Variants in CLN8 observed in about 807,000 individuals in gnomAD.
The protein encoded by CLN8 is protein CLN8.
Under a neutral mutation model 15.7 loss-of-function variants are expected in CLN8, and 14 were observed. The observed-to-expected ratio is 0.89, with a 90% CI of 0.59 to 1.39. The LOEUF (loss-of-function observed/expected upper bound fraction) is 1.39, where lower values mean the gene tolerates loss of function less well. Among genes scored for constraint, CLN8 ranks in the 40% most tolerant of loss-of-function variants. CLN8 has a pLI of 0.00. For missense variants in CLN8, 415 were observed against 364.0 expected, an observed-to-expected ratio of 1.14 and a Z score of -1.14; for synonymous variants, 188 against 151.0, an observed-to-expected ratio of 1.25 and a Z score of -1.80.
chr8:1,771,330 T>G lies in CLN8; in HGVS notation c.276T>G (p.His92Gln), dbSNP rs777819575. The change falls in exon 2 of 3, where the codon CAT becomes CAG. Residue 92 changes from histidine to glutamine, a missense_variant. His to Gln is a conservative substitution (Grantham distance 24). Coordinates refer to ENST00000331222, the MANE Select transcript of CLN8 (RefSeq NM_018941.4). ...CTCTGCTGGGGGACCCTGTGCTGCA[T>G]GCCGACAAGGCGCGTGGCCAGCAGA... is the stretch of plus-strand genomic sequence containing the variant. ...LWALLGDPVL[H>Q]ADKARGQQNW... 3 of 1,614,200 alleles carry G rather than the reference T, an allele frequency of 1.9e-6. No individual in the cohort carries two copies. The highest frequency in any genetic ancestry group is 2.5e-6 in the Non-Finnish European group (3 of 1,180,024).
rs553233764 is a variant in CLN8 at position 1,784,935 on chromosome 8, T to A, written c.*4368T>A. 6.6e-6 allele frequency: 1 copy of A among 152,572 alleles called. No individual in the cohort carries two copies. The highest frequency in any genetic ancestry group is 2.4e-5 in the African/African-American group (1 of 41,562). The allele number at this position is 152,572 out of a possible 1,614,324, so 9.5% of individuals were successfully genotyped here. A position where few individuals can be genotyped will look rare whatever the true frequency, so the allele number is the denominator to read the frequency against. The stretch of plus-strand genomic sequence containing the variant: ...GGCCAGAAGGGGAAACGCTCGGGCC[T>A]CTGGTGGGGGCCAGCCTGGGGTGGG... On this transcript the variant is annotated 3_prime_UTR_variant, in exon 3 of 3. Transcript: ENST00000331222.
rs890569373 is a variant in CLN8, at chr8:1,781,506, C to A, written c.*939C>A. On this transcript the variant is annotated 3_prime_UTR_variant, in exon 3 of 3. Transcript: ENST00000331222. Reference sequence around the variant, plus strand: ...GGAGTTTAACCCCCACCAACCAGAGCGTGGGCTGGTAAAGATGAAATCTTG... The same window carrying A: ...GGAGTTTAACCCCCACCAACCAGAGAGTGGGCTGGTAAAGATGAAATCTTG... The A allele has an allele frequency of 1.3e-5, 2 of 150,642 alleles. No homozygotes were observed. Among genetic ancestry groups the A allele is most frequent in the African/African-American group, 4.9e-5 (2 of 40,970 alleles). The allele number at this position is 150,642 out of a possible 1,614,324, so 9.3% of individuals were successfully genotyped here. A position where few individuals can be genotyped will look rare whatever the true frequency, so the allele number is the denominator to read the frequency against.
intron 2 of CLN8, among the ~76,000 whole-genome samples, chr8:1,774,231 A>G (rs1301118680): frequency 6.6e-6 from 1 of 152,200 alleles, no homozygotes; most frequent in East Asian, 1.9e-4. Context: ...CACATTCTCT[A>G]AAGCTTTTAG....
Position 1,771,220 on chromosome 8 carries a change from T to C in CLN8, c.166T>C (p.Leu56=). 1 of 1,613,988 alleles carries C rather than the reference T, an allele frequency of 6.2e-7. No homozygotes were observed. The highest frequency in any genetic ancestry group is 1.3e-5 in the African/African-American group (1 of 75,028). The change falls in exon 2 of 3, where the codon TTG becomes CTG. Residue 56 remains leucine, a synonymous_variant. Transcript: ENST00000331222. ...TTCCCTGAATGCCACTTACCGTTCT[T>C]TGGTGGCCAGAGAGAAGGTCTTCTG... ...SSSLNATYRS[L]VAREKVFWDL...
upstream of CLN8, among the ~76,000 whole-genome samples, chr8:1,753,317 TC>T (rs58726204): frequency 0.72 from 108,979 of 151,638 alleles, 39,595 homozygotes; most frequent in South Asian, 0.78. Flanking sequence ...ATGCCTGTAA[TC>T]CCAGCACTTT....
chr8:1,766,955 C>T (rs1024095808), intron 1 of CLN8, among the ~76,000 whole-genome samples: 5 of 152,332 alleles, frequency 3.3e-5, no homozygotes, highest in African/African-American at 1.2e-4. Flanking sequence ...TGTGGGTGCC[C>T]ACCTTGTGAC....
At chr8:1,778,082 A>T (rs1426972764) in intron 2 of CLN8, among the ~76,000 whole-genome samples, 1 of 152,124 alleles carries the variant, frequency 6.6e-6, no homozygotes, top group African/African-American at 2.4e-5. Flanking sequence ...GAGGTGTGAG[A>T]TCGAAAACTT....
rs886838607 is a variant in CLN8 at position 1,780,699 on chromosome 8, C to A, written c.*132C>A. ...TACTTCTAAGGGAAATACTAACTTT[C>A]TTTCGCATTAGTATTAATTTTGAAG... is the stretch of plus-strand genomic sequence containing the variant. On this transcript the variant is annotated 3_prime_UTR_variant, in exon 3 of 3. Transcript: ENST00000331222. 9.0e-6 allele frequency: 7 copies of A among 780,428 alleles called. No individual in the cohort carries two copies. The African/African-American group carries it at 1.2e-4, about 14-fold the overall frequency. The allele number at this position is 780,428 out of a possible 1,614,324, so 48.3% of individuals were successfully genotyped here. A position where few individuals can be genotyped will look rare whatever the true frequency, so the allele number is the denominator to read the frequency against.
rs1187429216 is a variant in CLN8, at chr8:1,783,791, C to T, written c.*3224C>T. ...TGAATGAAATGGGCACTGTTGATTC[C>T]ACTTCTGTCGAGGAGCTTCGGGGCT... On this transcript the variant is annotated 3_prime_UTR_variant, in exon 3 of 3. Coordinates refer to ENST00000331222, the MANE Select transcript of CLN8 (RefSeq NM_018941.4). 1 of 152,182 alleles carries T rather than the reference C, an allele frequency of 6.6e-6. No homozygotes were observed. Among genetic ancestry groups the T allele is most frequent in the Non-Finnish European group, 1.5e-5 (1 of 68,052 alleles). 9.4% of individuals were successfully genotyped at this position (152,182 alleles called of 1,614,324 possible). A position where few individuals can be genotyped will look rare whatever the true frequency, so the allele number is the denominator to read the frequency against.
upstream of CLN8, chr8:1,763,402 CCG>C (rs1800865488): frequency 1.9e-5 from 1 of 51,808 alleles, no homozygotes; most frequent in Non-Finnish European, 4.0e-5. Context: ...GCGCCGCGCC[CCG>C]CCCCCCGCCG....
intron 2 of CLN8, 88 bp downstream of exon 2, chr8:1,771,685 A>AG (rs1378979494): frequency 8.1e-7 from 1 of 1,231,318 alleles, no homozygotes; most frequent in Admixed American, 2.0e-5. Context: ...TAAACTCAAC[A>AG]GCAGGCTGGA....
In CLN8 at chr8:1,768,413, G is replaced by C. The variant is rs1446687092; in HGVS notation, c.-123-2519G>C. ...TCACCACTTCCACTGAGGTGGATTTGAGTCATTGATCTGGGCAGAGCCTTC... is the reference window on the plus strand; with the variant it reads ...TCACCACTTCCACTGAGGTGGATTTCAGTCATTGATCTGGGCAGAGCCTTC... On this transcript the variant is annotated intron_variant, in intron 1 of 2. Coordinates refer to ENST00000331222, the MANE Select transcript of CLN8 (RefSeq NM_018941.4). 1.3e-5 allele frequency among the ~76,000 whole-genome samples: 2 copies of C among 152,188 alleles called. 1 individual carries two copies.
At chr8:1,768,560 C>T (rs777590013) in intron 1 of CLN8, among the ~76,000 whole-genome samples, 3 of 152,156 alleles carry the variant, frequency 2.0e-5, no homozygotes, top group South Asian at 2.1e-4. Context: ...ATGACCTACT[C>T]GTGGAAAAGT....
rs530214128 is a variant in CLN8, at chr8:1,784,018, A to T, written c.*3451A>T. ...ACAGACATTCAGGCCAGGCACGGTG[A>T]CTCACGCCTGTAATCCCAGCACTTT... On this transcript the variant is annotated 3_prime_UTR_variant, in exon 3 of 3. Coordinates refer to ENST00000331222, the MANE Select transcript of CLN8 (RefSeq NM_018941.4). 2 of 152,268 alleles carry T rather than the reference A, an allele frequency of 1.3e-5. No homozygotes were observed. Among genetic ancestry groups the T allele is most frequent in the Non-Finnish European group, 2.9e-5 (2 of 68,188 alleles). The allele number at this position is 152,268 out of a possible 1,614,324, so 9.4% of individuals were successfully genotyped here. A position where few individuals can be genotyped will look rare whatever the true frequency, so the allele number is the denominator to read the frequency against.
chr8:1,757,305 A>G (rs1316641807), intron 1 of CLN8, among the ~76,000 whole-genome samples: 1 of 152,190 alleles, frequency 6.6e-6, no homozygotes, highest in Non-Finnish European at 1.5e-5. Flanking sequence ...CAAGGTCATG[A>G]CAACCCAAAA....
At chr8:1,766,279 C>T (rs573417334) in intron 1 of CLN8, among the ~76,000 whole-genome samples, 35 of 152,244 alleles carry the variant, frequency 2.3e-4, no homozygotes, top group African/African-American at 7.7e-4. Context: ...GTTTATTCTC[C>T]GGCTCCACTT....
Position 1,780,579 on chromosome 8 carries a change from G to T in CLN8, c.*12G>T. The T allele has an allele frequency of 6.2e-7, 1 of 1,610,616 alleles. No individual in the cohort carries two copies. Among genetic ancestry groups the T allele is most frequent in the Non-Finnish European group, 8.5e-7 (1 of 1,177,478 alleles). On this transcript the variant is annotated 3_prime_UTR_variant, in exon 3 of 3. Coordinates refer to ENST00000331222, the MANE Select transcript of CLN8 (RefSeq NM_018941.4). ...AGAAGAGGCCATAGCTGCTCCAGCC[G>T]GGGCTCCGGGGCGGCAGCAGAGCTG... is the stretch of plus-strand genomic sequence containing the variant.
At chr8:1,760,859 T>C (rs753590357), upstream of CLN8, among the ~76,000 whole-genome samples, 30 of 152,098 alleles carry the variant, frequency 2.0e-4, no homozygotes, top group Admixed American at 1.0e-3. Context: ...GTGCCATCTT[T>C]GTTTCAAAGG....
upstream of CLN8, chr8:1,755,740 A>C (rs1800654954): frequency 6.6e-6 from 1 of 152,022 alleles, no homozygotes; most frequent in Non-Finnish European, 1.5e-5. Flanking sequence ...ATCCTGTTAC[A>C]CCCTCTCTTC....
Sources: gnomAD v4.1 joint callset for allele counts (sites outside exome capture counted in the v4.1 genomes callset) on GRCh38, gnomAD v4.1.1 for gene constraint, MANE v1.5 for transcripts, NCBI Gene and HGNC (gene_info 2026-07-23, HGNC 2026-07-21) for gene names.